KATNAL2: variants seen among roughly 807,000 people sequenced by gnomAD.
KATNAL2 encodes the protein katanin p60 ATPase-containing subunit A-like 2.
Under a neutral mutation model 76.3 loss-of-function variants are expected in KATNAL2, and 52 were observed. The ratio of observed to expected loss-of-function variants is 0.68; its 90% CI spans 0.55 to 0.86. The LOEUF (loss-of-function observed/expected upper bound fraction) is 0.86. Ranked by LOEUF, KATNAL2 falls within the 40% of genes least tolerant of loss-of-function variation. The probability of loss-of-function intolerance (pLI) is 0.00; values close to 1 mark genes in which losing one functional copy is unlikely to be tolerated. For synonymous variants in KATNAL2, 243 were observed against 244.2 expected (o/e 1.00, Z 0.05); for missense variants, 660 against 668.9 (o/e 0.99, Z 0.15).
intron 3 of KATNAL2, among the ~76,000 whole-genome samples, chr18:47,043,741 T>C (rs1338858667): frequency 6.6e-6 from 1 of 151,822 alleles, no homozygotes; most frequent in African/African-American, 2.4e-5. Flanking sequence ...GGAAGTGATA[T>C]GAGATGTGTT....
At chr18:46,934,949 G>T (rs1458530432) in intron 1 of KATNAL2, among the ~76,000 whole-genome samples, 1 of 152,146 alleles carries the variant, frequency 6.6e-6, no homozygotes, top group Non-Finnish European at 1.5e-5. Context: ...GTCAAGATCA[G>T]ATAGTTGTAG....
intron 17 of KATNAL2, among the ~76,000 whole-genome samples, 161 bp from the exon 18 acceptor site, chr18:47,100,705 A>G (rs1265409543): frequency 6.6e-6 from 1 of 152,194 alleles, no homozygotes; most frequent in Non-Finnish European, 1.5e-5. Context: ...TTGCACGTTA[A>G]AGAATTTTTC....
At chr18:47,043,190 A>G (rs375964358) in intron 3 of KATNAL2, among the ~76,000 whole-genome samples, 19 of 146,280 alleles carry the variant, frequency 1.3e-4, no homozygotes, top group African/African-American at 2.5e-4. Flanking sequence ...TTGCGCCACT[A>G]CACTCCAGCC....
chr18:47,037,346 G>A (rs1016925534), intron 3 of KATNAL2, among the ~76,000 whole-genome samples: 4 of 152,116 alleles, frequency 2.6e-5, no homozygotes, highest in Non-Finnish European at 5.9e-5. Flanking sequence ...AGCCCACAAA[G>A]GAAATGAAAG....
chr18:47,042,353 T>C (rs2060992584), intron 3 of KATNAL2, among the ~76,000 whole-genome samples: 1 of 152,194 alleles, frequency 6.6e-6, no homozygotes, highest in Non-Finnish European at 1.5e-5. Context: ...GAAACACAGG[T>C]TGCCTTATTT....
intron 1 of KATNAL2, among the ~76,000 whole-genome samples, chr18:46,934,709 A>T (rs535312147): frequency 6.6e-6 from 1 of 152,340 alleles, no homozygotes; most frequent in Admixed American, 6.5e-5. Context: ...TGTTTTAGAC[A>T]TGAAGTCCTT....
intron 1 of KATNAL2, among the ~76,000 whole-genome samples, chr18:46,925,430 G>A (rs1299282890): frequency 2.0e-5 from 3 of 152,188 alleles, no homozygotes; most frequent in Non-Finnish European, 4.4e-5. Context: ...CAGGGATGAA[G>A]CCCACTTGAT....
intron 15 of KATNAL2, among the ~76,000 whole-genome samples, chr18:47,089,053 T>C (rs1568018922): frequency 6.6e-6 from 1 of 152,208 alleles, no homozygotes; most frequent in Non-Finnish European, 1.5e-5. Context: ...CTTTATGTGG[T>C]GGGCCTTGAC....
chr18:47,034,440 C>A lies in KATNAL2; in HGVS notation c.52-12017C>A, dbSNP rs772520702. On this transcript the variant is annotated intron_variant, in intron 3 of 17. Coordinates refer to ENST00000683218, the MANE Select transcript of KATNAL2 (RefSeq NM_001387690.1). The stretch of plus-strand genomic sequence containing the variant: ...CCTTGTCTGTCTTGAAGTCCGAAGG[C>A]TGCCTGTCCCTGGCACTTGCCCAGG... The A allele has an allele frequency of 1.9e-6, 3 of 1,614,052 alleles. No homozygotes were observed. The African/African-American group carries it at 4.0e-5, about 22-fold the overall frequency.
chr18:47,034,738 G>A (rs1203958226), intron 3 of KATNAL2: 8 of 1,612,854 alleles, frequency 5.0e-6, no homozygotes, highest in Admixed American at 1.7e-5. Flanking sequence ...CCGGAGGGGA[G>A]CTGTGCGCGT....
intron 1 of KATNAL2, among the ~76,000 whole-genome samples, chr18:46,932,673 CAAAAAAAAAAAAA>C (rs1162695359): frequency 2.3e-5 from 1 of 42,850 alleles, no homozygotes; most frequent in East Asian, 7.8e-4. Context: ...GACTCTGTCT[CAAAAAAAAAAAAA>C]AAAAAAAAAA....
chr18:47,036,728 C>T (rs2060789104), intron 3 of KATNAL2, among the ~76,000 whole-genome samples: 1 of 152,108 alleles, frequency 6.6e-6, no homozygotes, highest in African/African-American at 2.4e-5. Context: ...GGTTTTTTCT[C>T]TTATTTCTGT....
chr18:47,071,953 CTTTTTTTTTTTTTTTTTTTTTTT>C (rs574265545), intron 13 of KATNAL2, among the ~76,000 whole-genome samples: 5 of 43,956 alleles, frequency 1.1e-4, no homozygotes, highest in African/African-American at 4.8e-4. Flanking sequence ...CCAATTTCTT[CTTTTTTTTTTTTTTTTTTTTTTT>C]TTTTTTTTTT....
intron 1 of KATNAL2, among the ~76,000 whole-genome samples, chr18:46,923,340 G>A (rs1157464963): frequency 2.2e-4 from 33 of 151,106 alleles, no homozygotes; most frequent in East Asian, 3.9e-4. Context: ...TTGTCCTTGC[G>A]ATAGTTTGCT....
chr18:47,100,922 G>C lies in KATNAL2; in HGVS notation c.1534G>C (p.Asp512His). The C allele has an allele frequency of 6.2e-7, 1 of 1,614,052 alleles. No individual in the cohort carries two copies. The highest frequency in any genetic ancestry group is 8.5e-7 in the Non-Finnish European group (1 of 1,180,028). The part of the protein sequence containing the change: ...LDIVTTADFL[D>H]VLTHTKPSAK... ...TATAGTAACCACTGCCGACTTTCTG[G>C]ATGTGCTAACTCACACCAAGCCCTC... Residue 512 changes from aspartate (D) to histidine (H), a missense_variant, in exon 18 of 18, where the codon GAT becomes CAT. Coordinates refer to ENST00000683218, the MANE Select transcript of KATNAL2 (RefSeq NM_001387690.1).
intron 10 of KATNAL2, among the ~76,000 whole-genome samples, chr18:47,066,516 C>A (rs1179508181): frequency 6.6e-6 from 1 of 152,088 alleles, no homozygotes; most frequent in Non-Finnish European, 1.5e-5. Flanking sequence ...AAATTGGTTT[C>A]AGAGGAGCAT....
chr18:46,941,108 G>A (rs2059233975), intron 1 of KATNAL2, among the ~76,000 whole-genome samples: 1 of 152,170 alleles, frequency 6.6e-6, no homozygotes, highest in Admixed American at 6.5e-5. Flanking sequence ...TGGATTACCT[G>A]GGGTGAGGAG....
intron 15 of KATNAL2, among the ~76,000 whole-genome samples, chr18:47,085,418 T>A (rs1043333268): frequency 6.6e-6 from 1 of 152,202 alleles, no homozygotes; most frequent in Non-Finnish European, 1.5e-5. Context: ...TTGAAAACTA[T>A]GTGGCCTTCC....
intron 3 of KATNAL2, among the ~76,000 whole-genome samples, chr18:47,032,007 T>A (rs752619545): frequency 2.6e-5 from 4 of 152,226 alleles, no homozygotes; most frequent in Non-Finnish European, 5.9e-5. Flanking sequence ...GTCCGTGTGA[T>A]CTGAACTCAA....
Sources: allele counts gnomAD v4.1 joint callset (sites outside exome capture counted in the v4.1 genomes callset), GRCh38; gene constraint gnomAD v4.1.1; transcripts MANE v1.5; gene names NCBI Gene and HGNC (gene_info 2026-07-23, HGNC 2026-07-21).